The following SLC44A4 variants were observed in gnomAD, a reference collection of about 807,000 sequenced individuals.
SLC44A4 encodes solute carrier family 44 member 4, also known as choline transporter-like protein 4.
A neutral mutation model predicts 97.0 loss-of-function variants in SLC44A4; 74 were observed. That is an observed-to-expected ratio of 0.76 (90% CI 0.63 to 0.93). The LOEUF (loss-of-function observed/expected upper bound fraction) is 0.93, where lower values mean the gene tolerates loss of function less well. SLC44A4 is among the 40% of genes least tolerant of loss of function. The pLI, the probability that SLC44A4 is intolerant of heterozygous loss-of-function variation, is 0.00. For synonymous variants in SLC44A4, 325 were observed against 363.8 expected, an observed-to-expected ratio of 0.89 and a Z score of 1.21; for missense variants, 799 against 902.9, an observed-to-expected ratio of 0.88 and a Z score of 1.48.
chr6:31,871,615 G>T, intron 7 of SLC44A4, 54 bp from the exon 8 acceptor site: 1 of 1,392,312 alleles, frequency 7.2e-7, no homozygotes, highest in Non-Finnish European at 1.0e-6. Context: ...TGCCTGGAGG[G>T]TCTCTGGCCC....
rs766304054 is a variant in SLC44A4, at chr6:31,874,930, T to C, written c.341A>G (p.Gln114Arg). 1.8e-5 allele frequency: 29 copies of C among 1,613,770 alleles called. No individual in the cohort carries two copies. The highest frequency in any genetic ancestry group is 2.5e-5 in the Non-Finnish European group (29 of 1,179,942). ...TAGAGGCAGGTCCCAGGCTCTGACC[T>C]GGGGTGTGGGGCACTGTAGGCCGTT... ...AENGLQCPTP[Q>R]VCVSSCPEDP... The change falls in exon 5 of 21, where the codon CAG becomes CGG. Residue 114 changes from glutamine to arginine, a missense_variant and splice_region_variant. By Grantham distance (43) the Gln-to-Arg change is conservative. Around this residue, in one of 3 missense-constraint regions of SLC44A4, gnomAD observed 409 missense variants for 434.1 expected, o/e 0.94. Transcript: ENST00000229729. This position sits in a 1 kb window ranked among gnomAD's most constrained non-coding sequence, Gnocchi z 4.8.
In SLC44A4 at chr6:31,878,808, G is replaced by A. The variant is rs531642963; in HGVS notation, c.40+133C>T. The A allele has an allele frequency of 4.2e-5, 47 of 1,112,838 alleles. No homozygotes were observed. The highest frequency in any genetic ancestry group is 2.0e-4 in the Middle Eastern group (1 of 5,020). The allele number at this position is 1,112,838 out of a possible 1,614,324, so 68.9% of individuals were successfully genotyped here. On this transcript the variant is annotated intron_variant, in intron 1 of 20. Coordinates refer to ENST00000229729, the MANE Select transcript of SLC44A4 (RefSeq NM_025257.3). The surrounding 1 kb of genome is among the most constrained non-coding windows in gnomAD (Gnocchi z 4.0). ...CTGACTCCCTCCCTCCATGGCTCCCGGTTCCCGGGCCCTCCCCTCAGGGAC... is the reference window on the plus strand; with the variant it reads ...CTGACTCCCTCCCTCCATGGCTCCCAGTTCCCGGGCCCTCCCCTCAGGGAC...
chr6:31,865,986 C>T lies in SLC44A4; in HGVS notation c.1374G>A (p.Leu458=). Residue 458 remains leucine (L), a synonymous_variant, in exon 14 of 21, where the codon CTG becomes CTA. Coordinates refer to ENST00000229729, the MANE Select transcript of SLC44A4 (RefSeq NM_025257.3). This position sits in a 1 kb window ranked among gnomAD's most constrained non-coding sequence, Gnocchi z 5.2. The part of the protein sequence containing the change: ...LGLFWTLNWV[L]ALGQCVLAGA... ...CAGCGAGGACGCATTGGCCCAGGGC[C>T]AGTACCCAGTTAAGGGTCCAGAAGA... 6.2e-7 allele frequency: 1 copy of T among 1,614,210 alleles called. No individual in the cohort carries two copies. Among genetic ancestry groups the T allele is most frequent in the Non-Finnish European group, 8.5e-7 (1 of 1,180,028 alleles).
chr6:31,877,084 T>G lies in SLC44A4; in HGVS notation c.41-2A>C, dbSNP rs1454236445. On this transcript the variant is annotated splice_acceptor_variant, in intron 1 of 20. Transcript: ENST00000229729. LOFTEE classifies it high-confidence loss of function. The surrounding 1 kb of genome is among the most constrained non-coding windows in gnomAD (Gnocchi z 6.5). ...AGGGGTCGTATTTGACTGGCTTCCC[T>G]GAGGGACATGAGAAGAGGTGTGGAG... 5 of 1,609,456 alleles carry G rather than the reference T, an allele frequency of 3.1e-6. No individual in the cohort carries two copies. Among genetic ancestry groups the G allele is most frequent in the Non-Finnish European group, 4.2e-6 (5 of 1,178,854 alleles).
chr6:31,867,188 T>C (rs911447873), intron 13 of SLC44A4, among the ~76,000 whole-genome samples: 4 of 151,594 alleles, frequency 2.6e-5, no homozygotes, highest in Non-Finnish European at 4.4e-5. Context: ...CAAGCAATCC[T>C]CCTGCTTCAA....
chr6:31,870,315 A>C lies in SLC44A4; in HGVS notation c.1037+288T>G, dbSNP rs115853224. 7.0e-3 allele frequency among the ~76,000 whole-genome samples: 1,066 copies of C among 152,046 alleles called. 10 individuals carry two copies. Among genetic ancestry groups the C allele is most frequent in the African/African-American group, 0.022 (928 of 41,446 alleles). ...CAAGCTGCTGCCCCTCCTGGCCCGGATTCCTGCCGTTCCACTCAGCCACCA... is the reference window on the plus strand; with the variant it reads ...CAAGCTGCTGCCCCTCCTGGCCCGGCTTCCTGCCGTTCCACTCAGCCACCA... On this transcript the variant is annotated intron_variant, in intron 11 of 20. Transcript: ENST00000229729.
In SLC44A4 at chr6:31,876,247, C is replaced by T. The variant is rs1163851934; in HGVS notation, c.90-118G>A. 3 of 696,042 alleles carry T rather than the reference C, an allele frequency of 4.3e-6. No homozygotes were observed. The highest frequency in any genetic ancestry group is 7.2e-6 in the Non-Finnish European group (3 of 419,464). The allele number at this position is 696,042 out of a possible 1,614,324, so 43.1% of individuals were successfully genotyped here. A position where few individuals can be genotyped will look rare whatever the true frequency, so the allele number is the denominator to read the frequency against. ...ATGCTGCAGCATGGGCATCAGTAGG[C>T]TTTATTTTTATTTTTTTATTGCTTT... On this transcript the variant is annotated intron_variant, in intron 2 of 20. Coordinates refer to ENST00000229729, the MANE Select transcript of SLC44A4 (RefSeq NM_025257.3). The surrounding 1 kb of genome is among the most constrained non-coding windows in gnomAD (Gnocchi z 4.8).
intron 7 of SLC44A4, among the ~76,000 whole-genome samples, chr6:31,872,490 C>T (rs1763226727): frequency 6.6e-6 from 1 of 152,148 alleles, no homozygotes. Context: ...CCCACCTCAG[C>T]CCCCCAAAGT....
At chr6:31,870,121 C>G (rs994393507) in intron 11 of SLC44A4, among the ~76,000 whole-genome samples, 1 of 152,190 alleles carries the variant, frequency 6.6e-6, no homozygotes, top group Non-Finnish European at 1.5e-5. Context: ...GCTAGGCATA[C>G]TGTAGGTGCT....
In SLC44A4 at chr6:31,874,580, C is replaced by T; in HGVS notation, c.469-60G>A. On this transcript the variant is annotated intron_variant, in intron 6 of 20. Coordinates refer to ENST00000229729, the MANE Select transcript of SLC44A4 (RefSeq NM_025257.3). The surrounding 1 kb of genome is among the most constrained non-coding windows in gnomAD (Gnocchi z 4.8). ...CAGAGCAGGATGAAGAAGCAGGTCC[C>T]CTCACCACCACCATGGGGCTCAGCC... 2 of 1,587,850 alleles carry T rather than the reference C, an allele frequency of 1.3e-6. No individual in the cohort carries two copies. The highest frequency in any genetic ancestry group is 2.2e-5 in the East Asian group (1 of 44,744).
Position 31,877,013 on chromosome 6 carries a change from G to C in SLC44A4, c.89+21C>G. 2 of 1,604,014 alleles carry C rather than the reference G, an allele frequency of 1.2e-6. No individual in the cohort carries two copies. The highest frequency in any genetic ancestry group is 2.2e-5 in the East Asian group (1 of 44,710). On this transcript the variant is annotated intron_variant, in intron 2 of 20. Transcript: ENST00000229729. The surrounding 1 kb of genome is among the most constrained non-coding windows in gnomAD (Gnocchi z 6.5). ...GCACCCACCACCCCCGCCAGCCCCC[G>C]GAGCAGTGCCCAGAGCTCACCTGTT... is the stretch of plus-strand genomic sequence containing the variant.
At chr6:31,867,361 G>A (rs1762921843) in intron 13 of SLC44A4, among the ~76,000 whole-genome samples, 1 of 151,474 alleles carries the variant, frequency 6.6e-6, no homozygotes, top group African/African-American at 2.4e-5. Context: ...CCAAAGTGCT[G>A]GGATTACAGG....
At chr6:31,867,846 G>A (rs1270520404) in intron 13 of SLC44A4, among the ~76,000 whole-genome samples, 4 of 136,720 alleles carry the variant, frequency 2.9e-5, no homozygotes, top group South Asian at 2.2e-4. Flanking sequence ...TTTTTGAGAC[G>A]GAGTCTCGCC....
chr6:31,865,841 C>A lies in SLC44A4; in HGVS notation c.1487+32G>T. 1.2e-6 allele frequency: 2 copies of A among 1,613,924 alleles called. No individual in the cohort carries two copies. Among genetic ancestry groups the A allele is most frequent in the Non-Finnish European group, 1.7e-6 (2 of 1,179,850 alleles). On this transcript the variant is annotated intron_variant, in intron 14 of 20. Coordinates refer to ENST00000229729, the MANE Select transcript of SLC44A4 (RefSeq NM_025257.3). This position sits in a 1 kb window ranked among gnomAD's most constrained non-coding sequence, Gnocchi z 5.2. Reference sequence around the variant, plus strand: ...TCCAGGACCCCTGGGGCCCCCGTGCCTACAATGACCAGGCCCCTGCCCCAT... The same window carrying A: ...TCCAGGACCCCTGGGGCCCCCGTGCATACAATGACCAGGCCCCTGCCCCAT...
rs114240969 is a variant in SLC44A4, at chr6:31,864,874, G to A, written c.1868C>T (p.Pro623Leu). Reference sequence around the variant, plus strand: ...GCTCTTAAAGTCTTTACCCAGCCCCGGGATGCGACCGGAGAAAAAAAAGAA... The same window carrying A: ...GCTCTTAAAGTCTTTACCCAGCCCCAGGATGCGACCGGAGAAAAAAAAGAA... ...LSFFFFSGRI[P>L]GLGKDFKSPH... Residue 623 changes from proline (P) to leucine (L), a missense_variant, in exon 19 of 21, where the codon CCG (proline) becomes CTG (leucine). Coordinates refer to ENST00000229729, the MANE Select transcript of SLC44A4 (RefSeq NM_025257.3). 3.1e-5 allele frequency: 50 copies of A among 1,613,870 alleles called. No individual in the cohort carries two copies. In the African/African-American group the frequency reaches 5.1e-4, roughly 16 times the overall value.
At chr6:31,869,677 T>A (rs1562448361) in intron 11 of SLC44A4, 40 bp from the exon 12 acceptor site, 9 of 1,525,742 alleles carry the variant, frequency 5.9e-6, no homozygotes, top group Non-Finnish European at 8.0e-6. Flanking sequence ...CCGCCCCAGC[T>A]GTCCATCTTC....
At chr6:31,871,149 G>C in intron 9 of SLC44A4, 102 bp from the exon 10 acceptor site, 2 of 1,284,722 alleles carry the variant, frequency 1.6e-6, no homozygotes, top group Non-Finnish European at 2.2e-6. Context: ...AATGTCCCCA[G>C]ATTAGGCCTC....
In SLC44A4 at chr6:31,869,714, A is replaced by G. The variant is rs571338; in HGVS notation, c.1038-77T>C. 687,764 of 1,196,578 alleles carry G rather than the reference A, an allele frequency of 0.57. 200,123 individuals are homozygous for G. Among genetic ancestry groups the G allele is most frequent in the Middle Eastern group, 0.79 (3,646 of 4,608 alleles). 74.1% of individuals were successfully genotyped at this position (1,196,578 alleles called of 1,614,324 possible). A position where few individuals can be genotyped will look rare whatever the true frequency, so the allele number is the denominator to read the frequency against. On this transcript the variant is annotated intron_variant, in intron 11 of 20. Transcript: ENST00000229729. ...CAAGGGGCTGACCCCGGCCGGGCGCAGTGGCTCACGCCTGTAATCCCAGCA... is the reference window on the plus strand; with the variant it reads ...CAAGGGGCTGACCCCGGCCGGGCGCGGTGGCTCACGCCTGTAATCCCAGCA...
Position 31,866,074 on chromosome 6 carries a change from TAGCCCTGGAAGACGCACATC to T in SLC44A4, c.1266_1285del (p.Met423LeufsTer26), listed in dbSNP as rs750140066. ...ACGTTGGATTAGGCCTTTGGATGAG[TAGCCCTGGAAGACGCACATC>T]AGCCCTGGGCACGAGGAGTTCACAA... On this transcript the variant is annotated frameshift_variant, in exon 14 of 21. Coordinates refer to ENST00000229729, the MANE Select transcript of SLC44A4 (RefSeq NM_025257.3). LOFTEE classifies it high-confidence loss of function. The T allele has an allele frequency of 3.7e-6, 6 of 1,613,972 alleles. No individual in the cohort carries two copies. The highest frequency in any genetic ancestry group is 5.1e-6 in the Non-Finnish European group (6 of 1,180,016).
Sources: allele counts gnomAD v4.1 joint callset (sites outside exome capture counted in the v4.1 genomes callset), GRCh38; gene constraint gnomAD v4.1.1; regional missense constraint gnomAD v4.1.1; non-coding constraint Gnocchi (gnomAD v3.1); transcripts MANE v1.5; gene names NCBI Gene and HGNC (gene_info 2026-07-23, HGNC 2026-07-21).